KCNH8: variants seen among roughly 807,000 people sequenced by gnomAD.
KCNH8 encodes potassium voltage-gated channel subfamily H member 8.
In KCNH8, 70 loss-of-function variants were observed where a neutral mutation model predicts 103.6. The ratio of observed to expected loss-of-function variants is 0.68; its 90% CI spans 0.56 to 0.82. The LOEUF (loss-of-function observed/expected upper bound fraction) is 0.82, where lower values mean the gene tolerates loss of function less well. KCNH8 is among the 40% of genes least tolerant of loss of function. The pLI, the probability that KCNH8 is intolerant of heterozygous loss-of-function variation, is 0.00. For missense variants in KCNH8, 1,217 were observed against 1,329.9 expected (o/e 0.92, Z 1.32); for synonymous variants, 498 against 489.4 (o/e 1.02, Z -0.23).
intron 1 of KCNH8, among the ~76,000 whole-genome samples, chr3:19,226,067 TC>T: frequency 6.6e-6 from 1 of 152,346 alleles, no homozygotes; most frequent in Middle Eastern, 3.4e-3. Context: ...ATATGGGGCT[TC>T]CCCCAGTCTT....
chr3:19,288,359 C>T (rs191952258), intron 3 of KCNH8, among the ~76,000 whole-genome samples: 20 of 151,738 alleles, frequency 1.3e-4, no homozygotes, highest in African/African-American at 4.6e-4. Flanking sequence ...AGGTATATCT[C>T]CTAATGCTAT....
chr3:19,336,932 A>G (rs1326463924), intron 3 of KCNH8, among the ~76,000 whole-genome samples: 2 of 152,142 alleles, frequency 1.3e-5, no homozygotes, highest in East Asian at 3.9e-4. Flanking sequence ...AGTATATTTC[A>G]GCGTATGACC....
chr3:19,232,492 C>G (rs1399643492), intron 1 of KCNH8, among the ~76,000 whole-genome samples: 2 of 152,134 alleles, frequency 1.3e-5, no homozygotes, highest in Non-Finnish European at 2.9e-5. Context: ...CTTTAATGTC[C>G]AAGCTTGTAT....
chr3:19,411,764 C>T (rs2066783055), intron 7 of KCNH8, among the ~76,000 whole-genome samples: 1 of 150,132 alleles, frequency 6.7e-6, no homozygotes, highest in Non-Finnish European at 1.5e-5. Context: ...TAACCGTAGC[C>T]ACACACACAC....
At chr3:19,483,145 A>C (rs2068125410) in intron 11 of KCNH8, among the ~76,000 whole-genome samples, 1 of 152,126 alleles carries the variant, frequency 6.6e-6, no homozygotes, top group Non-Finnish European at 1.5e-5. Flanking sequence ...AGATGGTTTA[A>C]GAGTGCCAAT....
chr3:19,201,869 G>C (rs952244836), intron 1 of KCNH8, among the ~76,000 whole-genome samples: 1 of 152,122 alleles, frequency 6.6e-6, no homozygotes. Flanking sequence ...CGGGAGATAA[G>C]TTGATGGCTT....
At chr3:19,430,325 T>C (rs1043217817) in intron 7 of KCNH8, among the ~76,000 whole-genome samples, 6 of 152,226 alleles carry the variant, frequency 3.9e-5, no homozygotes, top group African/African-American at 7.2e-5. Flanking sequence ...CATTTGTCTG[T>C]GTGCCTATTC....
chr3:19,236,691 C>T lies in KCNH8; in HGVS notation c.77-16963C>T, dbSNP rs547474588. On this transcript the variant is annotated intron_variant, in intron 1 of 15. Transcript: ENST00000328405. ...ATAAAATTATTCACTCAAGTTGCAG[C>T]CTTAGAATGGTATAGATTCCATTAA... Among the ~76,000 whole-genome samples, 9 of 152,044 alleles carry T rather than the reference C, an allele frequency of 5.9e-5. No homozygotes were observed. In the South Asian group the frequency reaches 1.9e-3, roughly 32 times the overall value.
chr3:19,161,011 TG>T (rs1237525002), intron 1 of KCNH8, among the ~76,000 whole-genome samples: 1 of 151,844 alleles, frequency 6.6e-6, no homozygotes, highest in Non-Finnish European at 1.5e-5. Context: ...AGTAAAAGAG[TG>T]AGAAGAGGAA....
At chr3:19,498,564 CCTT>C (rs1448963045) in intron 11 of KCNH8, among the ~76,000 whole-genome samples, 2 of 152,120 alleles carry the variant, frequency 1.3e-5, no homozygotes, top group East Asian at 1.9e-4. Context: ...TCGTCTGAAG[CCTT>C]CTTCTCTCAA....
intron 1 of KCNH8, among the ~76,000 whole-genome samples, chr3:19,162,689 A>C (rs1462833825): frequency 6.6e-6 from 1 of 152,132 alleles, no homozygotes; most frequent in Non-Finnish European, 1.5e-5. Context: ...GATAAATTTA[A>C]GTTCCGTACT....
intron 11 of KCNH8, among the ~76,000 whole-genome samples, chr3:19,483,067 T>C (rs1295038867): frequency 1.3e-5 from 2 of 152,064 alleles, no homozygotes; most frequent in Non-Finnish European, 2.9e-5. Context: ...TAACTATGCT[T>C]CTCTTTTTGT....
At chr3:19,390,717 G>A (rs1559304481) in intron 6 of KCNH8, 79 bp downstream of exon 6, 8 of 1,376,396 alleles carry the variant, frequency 5.8e-6, no homozygotes, top group Non-Finnish European at 7.9e-6. Context: ...TGCTTGTGGC[G>A]ATTTATGCTT....
At chr3:19,504,156 T>C (rs114986324) in intron 11 of KCNH8, among the ~76,000 whole-genome samples, 8 of 152,252 alleles carry the variant, frequency 5.3e-5, no homozygotes, top group Non-Finnish European at 7.4e-5. Flanking sequence ...AGATTGGAAC[T>C]GGACCCCTTT....
intron 1 of KCNH8, among the ~76,000 whole-genome samples, chr3:19,199,694 T>C (rs1427483467): frequency 1.3e-5 from 2 of 151,534 alleles, no homozygotes; most frequent in African/African-American, 4.9e-5. Context: ...TTTCTAATTA[T>C]AAGGGACTAG....
intron 3 of KCNH8, among the ~76,000 whole-genome samples, chr3:19,317,213 A>G (rs1470245748): frequency 1.3e-5 from 2 of 151,854 alleles, no homozygotes; most frequent in African/African-American, 4.8e-5. Context: ...TTCAGTACCT[A>G]CCATCACTGT....
intron 5 of KCNH8, among the ~76,000 whole-genome samples, chr3:19,358,733 G>T (rs532308164): frequency 2.9e-4 from 44 of 151,898 alleles, no homozygotes; most frequent in Non-Finnish European, 5.9e-4. Flanking sequence ...CCATATGGAG[G>T]TGATGGTAGG....
At chr3:19,371,983 G>A (rs1200343818) in intron 5 of KCNH8, among the ~76,000 whole-genome samples, 1 of 151,538 alleles carries the variant, frequency 6.6e-6, no homozygotes, top group African/African-American at 2.4e-5. Flanking sequence ...CTCTGTTTTG[G>A]TACCAGTACC....
chr3:19,410,553 C>A (rs919355114), intron 7 of KCNH8, among the ~76,000 whole-genome samples: 1 of 151,784 alleles, frequency 6.6e-6, no homozygotes, highest in Non-Finnish European at 1.5e-5. Flanking sequence ...CGGAGTGGAA[C>A]TGAATAAAAT....
Sources: gnomAD v4.1 joint callset for allele counts (sites outside exome capture counted in the v4.1 genomes callset) on GRCh38, gnomAD v4.1.1 for gene constraint, MANE v1.5 for transcripts, NCBI Gene and HGNC (gene_info 2026-07-23, HGNC 2026-07-21) for gene names.